Variants in COLEC11 observed in about 807,000 individuals in gnomAD.
The protein encoded by COLEC11 is collectin-11.
A neutral mutation model predicts 27.3 loss-of-function variants in COLEC11; 20 were observed. That is an observed-to-expected ratio of 0.73 (90% CI 0.51 to 1.06). COLEC11 has a LOEUF of 1.06. Ranked by LOEUF, COLEC11 falls within the 50% of genes least tolerant of loss-of-function variation. The pLI is 0.00. For missense variants in COLEC11, 310 were observed against 383.0 expected (o/e 0.81, Z 1.59); for synonymous variants, 163 against 154.7 (o/e 1.05, Z -0.40).
In COLEC11 at chr2:3,608,782, G is replaced by A. The variant is rs1304736865; in HGVS notation, c.130+4312G>A. Among the ~76,000 whole-genome samples, 4 of 152,374 alleles carry A rather than the reference G, an allele frequency of 2.6e-5. No individual in the cohort carries two copies. In the South Asian group the frequency reaches 6.2e-4, roughly 24 times the overall value. On this transcript the variant is annotated intron_variant, in intron 2 of 6. Coordinates refer to ENST00000349077, the MANE Select transcript of COLEC11 (RefSeq NM_024027.5). ...GGCAAGTCTACAAGGCGGAGGCGAC[G>A]GGGACCGTGGAGAAACCAGGGCAGC...
chr2:3,642,852 C>T (rs1665973102), intron 5 of COLEC11, among the ~76,000 whole-genome samples: 1 of 152,292 alleles, frequency 6.6e-6, no homozygotes, highest in South Asian at 2.1e-4. Context: ...CTGCTCTGTC[C>T]TCCCTCCCTG....
chr2:3,617,550 A>G (rs1348784117), intron 3 of COLEC11: 3 of 1,589,964 alleles, frequency 1.9e-6, no homozygotes, highest in Admixed American at 1.7e-5. Flanking sequence ...ACGCCTCACT[A>G]CGATTTGCCT....
intron 2 of COLEC11, among the ~76,000 whole-genome samples, chr2:3,606,869 A>G (rs1662746125): frequency 1.3e-5 from 2 of 152,200 alleles, no homozygotes; most frequent in African/African-American, 4.8e-5. Flanking sequence ...GAGGTCAAAG[A>G]GGAGAGGCAG....
intron 5 of COLEC11, among the ~76,000 whole-genome samples, chr2:3,642,732 C>T (rs1665963371): frequency 6.6e-6 from 1 of 152,210 alleles, no homozygotes; most frequent in South Asian, 2.1e-4. Context: ...CTGAGGGCCG[C>T]TCCAGCCATC....
chr2:3,633,166 C>T (rs1319090212), intron 3 of COLEC11, among the ~76,000 whole-genome samples: 1 of 152,188 alleles, frequency 6.6e-6, no homozygotes, highest in Non-Finnish European at 1.5e-5. Context: ...GAGGACGAGG[C>T]CAGGCCCCCA....
At chr2:3,611,081 C>T (rs529409737) in intron 2 of COLEC11, among the ~76,000 whole-genome samples, 2 of 152,322 alleles carry the variant, frequency 1.3e-5, no homozygotes, top group East Asian at 1.9e-4. Flanking sequence ...ACTGGGAAAT[C>T]GCAGCTACTA....
At chr2:3,599,398 A>C (rs1292947100) in intron 1 of COLEC11, among the ~76,000 whole-genome samples, 1 of 152,180 alleles carries the variant, frequency 6.6e-6, no homozygotes, top group Admixed American at 6.5e-5. Flanking sequence ...ACGCAGAGGC[A>C]CTGTGCGGGG....
chr2:3,635,348 A>T (rs960848296), intron 3 of COLEC11, among the ~76,000 whole-genome samples: 10 of 149,704 alleles, frequency 6.7e-5, no homozygotes, highest in African/African-American at 2.5e-4. Flanking sequence ...GACCCCCTTC[A>T]CCCCCAGCCT....
At chr2:3,606,698 T>G (rs973714867) in intron 2 of COLEC11, among the ~76,000 whole-genome samples, 1 of 151,966 alleles carries the variant, frequency 6.6e-6, no homozygotes, top group African/African-American at 2.4e-5. Context: ...GCCCCGCGAG[T>G]CCGCAAGCGA....
At chr2:3,642,786 G>A (rs1206776254) in intron 5 of COLEC11, among the ~76,000 whole-genome samples, 1 of 152,156 alleles carries the variant, frequency 6.6e-6, no homozygotes, top group Non-Finnish European at 1.5e-5. Flanking sequence ...GGCGCGGCCT[G>A]CCTTCCTCAC....
chr2:3,632,013 C>T (rs1316041655), intron 3 of COLEC11, among the ~76,000 whole-genome samples: 5 of 152,168 alleles, frequency 3.3e-5, no homozygotes, highest in Non-Finnish European at 7.3e-5. Flanking sequence ...GAGCCCTGGA[C>T]GTGGAGTCAG....
chr2:3,628,286 T>C (rs2147929515), intron 3 of COLEC11, among the ~76,000 whole-genome samples: 2 of 152,374 alleles, frequency 1.3e-5, no homozygotes, highest in South Asian at 2.1e-4. Context: ...AGCTGGTCTG[T>C]GGGACGAGGC....
At chr2:3,623,952 T>C (rs1000071902) in intron 3 of COLEC11, among the ~76,000 whole-genome samples, 4 of 152,176 alleles carry the variant, frequency 2.6e-5, no homozygotes, top group Non-Finnish European at 1.5e-5. Context: ...CTTTATGGAC[T>C]TTTTTTGGGA....
intron 2 of COLEC11, among the ~76,000 whole-genome samples, chr2:3,611,809 G>A (rs997125264): frequency 2.0e-5 from 3 of 152,136 alleles, no homozygotes; most frequent in Admixed American, 1.3e-4. Flanking sequence ...ATCAGCTTTG[G>A]GGATTTTGTG....
rs1368344739 is a variant in COLEC11, at chr2:3,604,475, C to A, written c.130+5C>A. ...TCCTCGTCCCTGGCCTCAAAGGTAA[C>A]CGCTCCCTGGACTCTGGGCTGCTGG... On this transcript the variant is annotated splice_donor_5th_base_variant and intron_variant, in intron 2 of 6. Coordinates refer to ENST00000349077, the MANE Select transcript of COLEC11 (RefSeq NM_024027.5). 6.2e-7 allele frequency: 1 copy of A among 1,613,928 alleles called. No homozygotes were observed. Among genetic ancestry groups the A allele is most frequent in the East Asian group, 2.2e-5 (1 of 44,882 alleles).
rs573348005 is a variant in COLEC11 at position 3,618,084 on chromosome 2, G to C, written c.202+4702G>C. Among the ~76,000 whole-genome samples the C allele has an allele frequency of 3.9e-4, 59 of 152,242 alleles. 1 individual carries two copies. In the South Asian group the frequency reaches 0.011, roughly 29 times the overall value. On this transcript the variant is annotated intron_variant, in intron 3 of 6. Transcript: ENST00000349077. ...GTTGTATGAATTCCTTACATATTTT[G>C]GATATTAACCTCTTATCAGATATAT...
chr2:3,606,020 C>T, intron 2 of COLEC11: 7 of 1,509,260 alleles, frequency 4.6e-6, no homozygotes, highest in Admixed American at 2.1e-5. Context: ...ATGTTGGAAG[C>T]AACTTAAACT....
At chr2:3,630,082 T>C (rs1664875552) in intron 3 of COLEC11, among the ~76,000 whole-genome samples, 1 of 151,718 alleles carries the variant, frequency 6.6e-6, no homozygotes, top group Non-Finnish European at 1.5e-5. Context: ...TCTGTTAATA[T>C]GTGTATGTTT....
intron 1 of COLEC11, among the ~76,000 whole-genome samples, chr2:3,601,018 T>A (rs888143778): frequency 6.6e-6 from 1 of 152,210 alleles, no homozygotes; most frequent in Non-Finnish European, 1.5e-5. Context: ...ACTTTCCTCT[T>A]GGCCTTTCCA....
Sources: gnomAD v4.1 joint callset for allele counts (sites outside exome capture counted in the v4.1 genomes callset) on GRCh38, gnomAD v4.1.1 for gene constraint, MANE v1.5 for transcripts, NCBI Gene and HGNC (gene_info 2026-07-23, HGNC 2026-07-21) for gene names.